Variants in KANSL1 observed in about 807,000 individuals in gnomAD.
The protein encoded by KANSL1 is KAT8 regulatory NSL complex subunit 1.
KANSL1 carries 22 observed loss-of-function variants against 103.6 expected under a neutral mutation model. The observed-to-expected ratio is 0.21, with a 90% CI of 0.15 to 0.30. The LOEUF (loss-of-function observed/expected upper bound fraction) is 0.30, where lower values mean the gene tolerates loss of function less well. Ranked by LOEUF, KANSL1 falls within the 10% of genes least tolerant of loss-of-function variation. The pLI, the probability that KANSL1 is intolerant of heterozygous loss-of-function variation, is 1.00. For missense variants in KANSL1, 1,337 were observed against 1,399.8 expected (o/e 0.96, Z 0.72); for synonymous variants, 600 against 527.6 (o/e 1.14, Z -1.88).
chr17:46,150,271 A>G (rs1318550322), intron 2 of KANSL1, among the ~76,000 whole-genome samples: 2 of 151,894 alleles, frequency 1.3e-5, no homozygotes, highest in Admixed American at 6.6e-5. Context: ...CTTTCCCTCT[A>G]AACACCTACA....
At position 46,030,643 on chromosome 17, in the gene KANSL1, A is replaced by C. The variant is rs1006808933; in HGVS notation, c.*833T>G. 5.3e-5 allele frequency: 8 copies of C among 151,938 alleles called. No homozygotes were observed. Among genetic ancestry groups the C allele is most frequent in the African/African-American group, 1.5e-4 (6 of 41,364 alleles). The allele number at this position is 151,938 out of a possible 1,614,324, so 9.4% of individuals were successfully genotyped here. A position where few individuals can be genotyped will look rare whatever the true frequency, so the allele number is the denominator to read the frequency against. ...TGGCTGCTCACTTCCCACAACCCCC[A>C]GTTTGCAGGGGAGTGGGAATAGAGG... is the stretch of plus-strand genomic sequence containing the variant. On this transcript the variant is annotated 3_prime_UTR_variant, in exon 15 of 15. Transcript: ENST00000432791.
At chr17:46,148,372 A>G (rs1023509890) in intron 2 of KANSL1, 1 of 152,260 alleles carries the variant, frequency 6.6e-6, no homozygotes, top group African/African-American at 2.4e-5. Flanking sequence ...ATATGTTCAC[A>G]TATATAACTA....
intron 6 of KANSL1, among the ~76,000 whole-genome samples, chr17:46,051,304 A>C (rs1416690453): frequency 1.3e-5 from 2 of 152,220 alleles, no homozygotes; most frequent in African/African-American, 2.4e-5. Flanking sequence ...CCACTGTTAC[A>C]AAGCTCATAC....
chr17:46,049,208 T>C (rs1295938388), intron 7 of KANSL1, among the ~76,000 whole-genome samples: 1 of 151,026 alleles, frequency 6.6e-6, no homozygotes, highest in African/African-American at 2.4e-5. Flanking sequence ...TTAGAAATGA[T>C]CTCTTTATTT....
chr17:46,083,061 G>A (rs2079040925), intron 3 of KANSL1, among the ~76,000 whole-genome samples: 1 of 151,860 alleles, frequency 6.6e-6, no homozygotes, highest in African/African-American at 2.4e-5. Context: ...AAAGGAACCT[G>A]CTTTTTTCAT....
At chr17:46,114,648 A>G (rs1224772360) in intron 2 of KANSL1, among the ~76,000 whole-genome samples, 1 of 152,268 alleles carries the variant, frequency 6.6e-6, no homozygotes, top group African/African-American at 2.4e-5. Context: ...ACTAATTTAA[A>G]GACATATACA....
intron 2 of KANSL1, among the ~76,000 whole-genome samples, chr17:46,128,460 T>C (rs565855194): frequency 6.6e-6 from 1 of 152,326 alleles, no homozygotes; most frequent in East Asian, 1.9e-4. Flanking sequence ...AAAAAGTGTG[T>C]GTATGCATAT....
At chr17:46,104,007 G>A (rs1333148523) in intron 2 of KANSL1, among the ~76,000 whole-genome samples, 3 of 152,070 alleles carry the variant, frequency 2.0e-5, no homozygotes, top group Non-Finnish European at 4.4e-5. Context: ...TAGCCTGGGC[G>A]ACAGAGTGAG....
At chr17:46,156,086 C>T (rs2045411553) in intron 2 of KANSL1, among the ~76,000 whole-genome samples, 1 of 152,226 alleles carries the variant, frequency 6.6e-6, no homozygotes. Flanking sequence ...GTGGCTCACA[C>T]TTGTAATCCC....
chr17:46,119,760 C>G (rs1419597234), intron 2 of KANSL1, among the ~76,000 whole-genome samples: 1 of 152,192 alleles, frequency 6.6e-6, no homozygotes, highest in East Asian at 1.9e-4. Context: ...CACTAAGTTC[C>G]TACCATAATT....
At position 46,170,953 on chromosome 17, in the gene KANSL1, T is replaced by C. The variant is rs770209381; in HGVS notation, c.1191A>G (p.Ala397=). The change falls in exon 2 of 15, where the codon GCA becomes GCG. Residue 397 remains alanine (A), a synonymous_variant. Transcript: ENST00000432791. ...TACTGTCAGTGACATCTGAATCAAA[T>C]GCCTGTTCACTGCACCTCAAGTTGG... The part of the protein sequence containing the change: ...GIANLRCSEQ[A]FDSDVTDSSS... 2.5e-6 allele frequency: 4 copies of C among 1,614,206 alleles called. No individual in the cohort carries two copies. Among genetic ancestry groups the C allele is most frequent in the Non-Finnish European group, 3.4e-6 (4 of 1,180,048 alleles).
chr17:46,166,887 A>G (rs994679022), intron 2 of KANSL1, among the ~76,000 whole-genome samples: 1 of 152,232 alleles, frequency 6.6e-6, no homozygotes, highest in Admixed American at 6.5e-5. Flanking sequence ...AGGTCTTTAT[A>G]AAGAAGGCAT....
chr17:46,053,696 A>T (rs151166668), intron 6 of KANSL1, among the ~76,000 whole-genome samples: 2,874 of 152,282 alleles, frequency 0.019, 91 homozygotes, highest in African/African-American at 0.065. Flanking sequence ...CGGCCTCCCA[A>T]ATGCTGGGAT....
intron 3 of KANSL1, among the ~76,000 whole-genome samples, chr17:46,085,157 T>C (rs1422686654): frequency 2.0e-5 from 3 of 152,216 alleles, no homozygotes; most frequent in African/African-American, 7.2e-5. Context: ...TCAATGAATG[T>C]GAAGCTGTTG....
chr17:46,101,927 TGA>T (rs1194934941), intron 2 of KANSL1, among the ~76,000 whole-genome samples: 4 of 152,202 alleles, frequency 2.6e-5, no homozygotes, highest in East Asian at 1.9e-4. Flanking sequence ...AGCCATATTC[TGA>T]GAGTTTCTTG....
chr17:46,033,275 C>T, intron 12 of KANSL1, 83 bp from the exon 13 acceptor site: 1 of 1,435,934 alleles, frequency 7.0e-7, no homozygotes, highest in Admixed American at 1.9e-5. Context: ...TCTTCCCGGT[C>T]ACGACAGGAA....
In KANSL1 at chr17:46,146,690, G is replaced by A. The variant is rs868556169; in HGVS notation, c.1289+24165C>T. On this transcript the variant is annotated intron_variant, in intron 2 of 14. Coordinates refer to ENST00000432791, the MANE Select transcript of KANSL1 (RefSeq NM_015443.4). ...CTACTAAAAATACAAAAAATTAGCCGGGCGTAGTGGCGGGCGCCTGTAGTC... is the reference window on the plus strand; with the variant it reads ...CTACTAAAAATACAAAAAATTAGCCAGGCGTAGTGGCGGGCGCCTGTAGTC... Among the ~76,000 whole-genome samples, 15 of 144,500 alleles carry A rather than the reference G, an allele frequency of 1.0e-4. 3 individuals carry two copies. Among genetic ancestry groups the A allele is most frequent in the Middle Eastern group, 3.6e-3 (1 of 278 alleles). The allele number at this position is 144,500 out of a possible 152,430, so 94.8% of individuals were successfully genotyped here. A position where few individuals can be genotyped will look rare whatever the true frequency, so the allele number is the denominator to read the frequency against.
At chr17:46,160,713 CG>C (rs1362391380) in intron 2 of KANSL1, among the ~76,000 whole-genome samples, 1 of 152,134 alleles carries the variant, frequency 6.6e-6, no homozygotes, top group Non-Finnish European at 1.5e-5. Flanking sequence ...TCAAAAAATA[CG>C]TATTACCAAA....
chr17:46,118,303 C>A (rs1462627455), intron 2 of KANSL1, among the ~76,000 whole-genome samples: 1 of 152,242 alleles, frequency 6.6e-6, no homozygotes, highest in Non-Finnish European at 1.5e-5. Flanking sequence ...AACACAAGAT[C>A]TGCCAGCACT....
Sources: gnomAD v4.1 joint callset for allele counts (sites outside exome capture counted in the v4.1 genomes callset) on GRCh38, gnomAD v4.1.1 for gene constraint, MANE v1.5 for transcripts, NCBI Gene and HGNC (gene_info 2026-07-23, HGNC 2026-07-21) for gene names.